Variants in TRPC6 observed in about 807,000 individuals in gnomAD.
TRPC6 encodes the protein transient receptor potential cation channel subfamily C member 6.
A neutral mutation model predicts 90.7 loss-of-function variants in TRPC6; 55 were observed. The observed-to-expected ratio is 0.61, with a 90% CI of 0.49 to 0.76. The LOEUF is 0.76. Ranked by LOEUF, TRPC6 falls within the 30% of genes least tolerant of loss-of-function variation. TRPC6 has a pLI of 0.00. For synonymous variants in TRPC6, 393 were observed against 393.0 expected (o/e 1.00, Z 0.00); for missense variants, 989 against 1,122.7 (o/e 0.88, Z 1.70).
chr11:101,565,948 A>T (rs1287541685), intron 1 of TRPC6, among the ~76,000 whole-genome samples: 1 of 152,170 alleles, frequency 6.6e-6, no homozygotes, highest in Non-Finnish European at 1.5e-5. Flanking sequence ...ACATGTTTAG[A>T]CAAGGACTTA....
At chr11:101,518,885 G>T (rs1383234569) in intron 1 of TRPC6, among the ~76,000 whole-genome samples, 1 of 152,206 alleles carries the variant, frequency 6.6e-6, no homozygotes. Flanking sequence ...CCAGGCATTT[G>T]CAACAACATG....
At chr11:101,511,865 G>A (rs1726816451) in intron 1 of TRPC6, among the ~76,000 whole-genome samples, 2 of 151,734 alleles carry the variant, frequency 1.3e-5, no homozygotes, top group African/African-American at 4.8e-5. Context: ...TGGTGGTGGG[G>A]GCCTGTAATC....
intron 3 of TRPC6, among the ~76,000 whole-genome samples, chr11:101,489,449 A>T (rs1241183815): frequency 1.3e-5 from 2 of 152,082 alleles, no homozygotes; most frequent in Non-Finnish European, 2.9e-5. Flanking sequence ...ATCAATATTA[A>T]CTCAGTTGCC....
At chr11:101,499,514 TA>T (rs1372499914) in intron 2 of TRPC6, among the ~76,000 whole-genome samples, 2 of 149,478 alleles carry the variant, frequency 1.3e-5, no homozygotes, top group Non-Finnish European at 3.0e-5. Context: ...CAACAAAGAC[TA>T]AAATAACATA....
intron 2 of TRPC6, among the ~76,000 whole-genome samples, chr11:101,501,296 A>G (rs1860118209): frequency 6.6e-6 from 1 of 151,882 alleles, no homozygotes; most frequent in African/African-American, 2.4e-5. Context: ...GATATGTGCT[A>G]GCATGTTGGT....
chr11:101,583,553 G>A lies in TRPC6; in HGVS notation c.-50C>T. 1 of 1,409,688 alleles carries A rather than the reference G, an allele frequency of 7.1e-7. No individual in the cohort carries two copies. The highest frequency in any genetic ancestry group is 1.6e-5 in the South Asian group (1 of 64,132). The allele number at this position is 1,409,688 out of a possible 1,614,324, so 87.3% of individuals were successfully genotyped here. A position where few individuals can be genotyped will look rare whatever the true frequency, so the allele number is the denominator to read the frequency against. On this transcript the variant is annotated 5_prime_UTR_variant, in exon 1 of 13. Coordinates refer to ENST00000344327, the MANE Select transcript of TRPC6 (RefSeq NM_004621.6). Reference sequence around the variant, plus strand: ...GCCCCGCTCCCGGGGGAGCCGAGTGGGCAGTTCCAGCGGGGACCCGGTGCG... The same window carrying A: ...GCCCCGCTCCCGGGGGAGCCGAGTGAGCAGTTCCAGCGGGGACCCGGTGCG...
intron 1 of TRPC6, among the ~76,000 whole-genome samples, chr11:101,546,065 T>C (rs1275433141): frequency 6.8e-5 from 3 of 44,374 alleles, no homozygotes; most frequent in African/African-American, 2.9e-4. Flanking sequence ...TTTTTTTTTT[T>C]TTTTTTTTTT....
At chr11:101,502,573 T>C (rs1254124187) in intron 2 of TRPC6, among the ~76,000 whole-genome samples, 1 of 152,196 alleles carries the variant, frequency 6.6e-6, no homozygotes, top group African/African-American at 2.4e-5. Context: ...ATTAGTAATA[T>C]AGATTTTGAA....
At chr11:101,511,808 A>G (rs1860399996) in intron 1 of TRPC6, among the ~76,000 whole-genome samples, 1 of 152,058 alleles carries the variant, frequency 6.6e-6, no homozygotes, top group African/African-American at 2.4e-5. Context: ...CCTGGCCAAC[A>G]TGGTGAAACC....
At position 101,452,821 on chromosome 11, in the gene TRPC6, A is replaced by G; in HGVS notation, c.*134T>C. The G allele has an allele frequency of 9.8e-7, 1 of 1,016,532 alleles. No homozygotes were observed. The highest frequency in any genetic ancestry group is 1.5e-6 in the Non-Finnish European group (1 of 674,198). 63.0% of individuals were successfully genotyped at this position (1,016,532 alleles called of 1,614,324 possible). A position where few individuals can be genotyped will look rare whatever the true frequency, so the allele number is the denominator to read the frequency against. ...AAAAAATTAGATACTAGGGCTCCAG[A>G]TGATAGGATGGCCCAAGTTATTTAA... On this transcript the variant is annotated 3_prime_UTR_variant, in exon 13 of 13. Coordinates refer to ENST00000344327, the MANE Select transcript of TRPC6 (RefSeq NM_004621.6).
intron 10 of TRPC6, among the ~76,000 whole-genome samples, chr11:101,468,452 T>C (rs906209518): frequency 4.6e-5 from 7 of 152,158 alleles, no homozygotes; most frequent in Non-Finnish European, 8.8e-5. Context: ...AAAAATGGTC[T>C]CCCTCCTTGT....
chr11:101,471,120 G>C, intron 9 of TRPC6, 63 bp downstream of exon 9: 1 of 1,503,198 alleles, frequency 6.7e-7, no homozygotes, highest in Non-Finnish European at 9.2e-7. Context: ...AAGGGATGTG[G>C]CATAGTGGTT....
At chr11:101,582,313 G>T (rs1224106331) in intron 1 of TRPC6, among the ~76,000 whole-genome samples, 1 of 152,148 alleles carries the variant, frequency 6.6e-6, no homozygotes, top group East Asian at 1.9e-4. Context: ...AGGAGGGTCT[G>T]CCAGGCGCCT....
chr11:101,554,680 T>C (rs1198208044), intron 1 of TRPC6, among the ~76,000 whole-genome samples: 1 of 151,964 alleles, frequency 6.6e-6, no homozygotes, highest in Non-Finnish European at 1.5e-5. Context: ...ACCCAAAAAG[T>C]GAGGAAAAAA....
At position 101,583,408 on chromosome 11, in the gene TRPC6, C is replaced by CAGA. The variant is rs1862248568; in HGVS notation, c.93_95dup (p.Leu33dup). On this transcript the variant is annotated inframe_insertion, in exon 1 of 13. Transcript: ENST00000344327. ...CTTCTCCCAGCTCCGAGTCCATGAG[C>CAGA]AGATAGTCCTGGCTCTCGTTGCGCC... 6.3e-7 allele frequency: 1 copy of CAGA among 1,584,190 alleles called. No individual in the cohort carries two copies. The highest frequency in any genetic ancestry group is 8.6e-7 in the Non-Finnish European group (1 of 1,165,078).
At position 101,583,539 on chromosome 11, in the gene TRPC6, G is replaced by A. The variant is rs1862253795; in HGVS notation, c.-36C>T. On this transcript the variant is annotated 5_prime_UTR_variant, in exon 1 of 13. Coordinates refer to ENST00000344327, the MANE Select transcript of TRPC6 (RefSeq NM_004621.6). ...CCCGACTGGCCTGGGCCCCGCTCCC[G>A]GGGGAGCCGAGTGGGCAGTTCCAGC... 7.1e-7 allele frequency: 1 copy of A among 1,416,496 alleles called. No individual in the cohort carries two copies. The highest frequency in any genetic ancestry group is 9.2e-7 in the Non-Finnish European group (1 of 1,090,828). 87.7% of individuals were successfully genotyped at this position (1,416,496 alleles called of 1,614,324 possible). A position where few individuals can be genotyped will look rare whatever the true frequency, so the allele number is the denominator to read the frequency against.
intron 1 of TRPC6, among the ~76,000 whole-genome samples, chr11:101,559,146 G>A (rs80078576): frequency 0.025 from 3,806 of 152,020 alleles, 154 homozygotes; most frequent in African/African-American, 0.073. Flanking sequence ...CTATATAAGG[G>A]GCTCAGGCAA....
At chr11:101,567,851 AC>A (rs1423266014) in intron 1 of TRPC6, among the ~76,000 whole-genome samples, 2 of 152,170 alleles carry the variant, frequency 1.3e-5, no homozygotes, top group Non-Finnish European at 2.9e-5. Flanking sequence ...CCACTCACAG[AC>A]CCCTTCCAAA....
chr11:101,581,230 C>T (rs1486584648), intron 1 of TRPC6, among the ~76,000 whole-genome samples: 1 of 152,152 alleles, frequency 6.6e-6, no homozygotes, highest in Non-Finnish European at 1.5e-5. Context: ...GTCCAGGATT[C>T]TTGAACTAAG....
Sources: gnomAD v4.1 joint callset for allele counts (sites outside exome capture counted in the v4.1 genomes callset) on GRCh38, gnomAD v4.1.1 for gene constraint, MANE v1.5 for transcripts, NCBI Gene and HGNC (gene_info 2026-07-23, HGNC 2026-07-21) for gene names.